Variants in AASS observed in about 807,000 individuals in gnomAD.
AASS encodes alpha-aminoadipic semialdehyde synthase, mitochondrial.
AASS carries 86 observed loss-of-function variants against 105.4 expected under a neutral mutation model. The observed-to-expected ratio is 0.82, with a 90% CI of 0.69 to 0.98. The LOEUF (loss-of-function observed/expected upper bound fraction) is 0.98. AASS is among the 50% of genes least tolerant of loss of function. The pLI, the probability that AASS is intolerant of heterozygous loss-of-function variation, is 0.00. For missense variants in AASS, 1,048 were observed against 1,143.2 expected (o/e 0.92, Z 1.20); for synonymous variants, 381 against 394.8 (o/e 0.96, Z 0.41).
intron 19 of AASS, among the ~76,000 whole-genome samples, chr7:122,083,176 C>A (rs1470988527): frequency 6.6e-6 from 1 of 152,026 alleles, no homozygotes; most frequent in Non-Finnish European, 1.5e-5. Context: ...TTTCCCATTT[C>A]TAAAGGTTAT....
Position 122,133,631 on chromosome 7 carries a change from A to G in AASS, c.96T>C (p.Asp32=), listed in dbSNP as rs1206168973. The G allele has an allele frequency of 6.2e-7, 1 of 1,614,000 alleles. No homozygotes were observed. The highest frequency in any genetic ancestry group is 8.5e-7 in the Non-Finnish European group (1 of 1,180,032). ...HKAVLAVRRE[D]VNAWERRAPL... is the part of the protein sequence containing the mutation. Reference sequence around the variant, plus strand: ...GGGCCCTTCTCTCCCAGGCGTTCACATCCTCCCTCCGGACGGCCAACACAG... The same window carrying G: ...GGGCCCTTCTCTCCCAGGCGTTCACGTCCTCCCTCCGGACGGCCAACACAG... Residue 32 remains aspartate, a synonymous_variant, in exon 2 of 24, where the codon GAT becomes GAC. Transcript: ENST00000417368.
At chr7:122,091,887 A>G (rs1269450432) in intron 17 of AASS, 44 bp from the exon 18 acceptor site, 2 of 1,367,784 alleles carry the variant, frequency 1.5e-6, no homozygotes, top group Non-Finnish European at 2.1e-6. Context: ...TTCACAACTT[A>G]GAGAATGTCT....
At position 122,091,790 on chromosome 7, in the gene AASS, G is replaced by C. The variant is rs369424010; in HGVS notation, c.1929C>G (p.Asn643Lys). 1.2e-6 allele frequency: 2 copies of C among 1,603,782 alleles called. No individual in the cohort carries two copies. Among genetic ancestry groups the C allele is most frequent in the Non-Finnish European group, 1.7e-6 (2 of 1,174,434 alleles). ...AGCTAAATTTATATCTCAATGGATT[G>C]TTTGAATGTTCAGGGGCTGGAAGCC... ...CGGLPAPEHSNNPLRYKFSWS... is the reference protein window; with the variant it reads ...CGGLPAPEHSKNPLRYKFSWS... Residue 643 changes from asparagine (N) to lysine (K), a missense_variant, in exon 18 of 24, where the codon AAC (asparagine) becomes AAG (lysine). Transcript: ENST00000417368.
At chr7:122,095,958 A>C (rs2150519651) in intron 15 of AASS, among the ~76,000 whole-genome samples, 1 of 152,292 alleles carries the variant, frequency 6.6e-6, no homozygotes, top group African/African-American at 2.4e-5. Flanking sequence ...GCCTTATAAT[A>C]GGCTGAGAAG....
intron 15 of AASS, among the ~76,000 whole-genome samples, chr7:122,098,201 G>A (rs922913059): frequency 3.3e-5 from 5 of 151,988 alleles, no homozygotes; most frequent in African/African-American, 1.2e-4. Flanking sequence ...AATAGAAAGA[G>A]GCACCAGGAG....
chr7:122,086,624 ATAAACT>A (rs1340083102), intron 18 of AASS, among the ~76,000 whole-genome samples: 1 of 151,936 alleles, frequency 6.6e-6, no homozygotes, highest in Non-Finnish European at 1.5e-5. Context: ...TGTTTAAAAA[ATAAACT>A]TAAATAAGCT....
At chr7:122,089,117 C>T (rs965714296) in intron 18 of AASS, among the ~76,000 whole-genome samples, 4 of 152,068 alleles carry the variant, frequency 2.6e-5, no homozygotes, top group Non-Finnish European at 5.9e-5. Flanking sequence ...TTACTTAAGA[C>T]CCGCTCCACA....
At chr7:122,117,437 A>T (rs1795234386) in intron 6 of AASS, among the ~76,000 whole-genome samples, 1 of 152,160 alleles carries the variant, frequency 6.6e-6, no homozygotes, top group South Asian at 2.1e-4. Flanking sequence ...TAAAACCACC[A>T]GAGAAGGAAG....
At chr7:122,128,002 T>C (rs1027402215) in intron 3 of AASS, among the ~76,000 whole-genome samples, 3 of 152,210 alleles carry the variant, frequency 2.0e-5, no homozygotes, top group African/African-American at 7.2e-5. Flanking sequence ...TTTTCTCTTG[T>C]AATGGCATCA....
chr7:122,110,157 A>C (rs1324117995), intron 11 of AASS, among the ~76,000 whole-genome samples: 1 of 151,976 alleles, frequency 6.6e-6, no homozygotes, highest in African/African-American at 2.4e-5. Flanking sequence ...AAATTAAGAA[A>C]ACAGAAAATG....
chr7:122,098,916 A>G, intron 13 of AASS, 50 bp from the exon 14 acceptor site: 1 of 1,481,302 alleles, frequency 6.8e-7, no homozygotes, highest in Non-Finnish European at 9.0e-7. Flanking sequence ...CTAATTAAAA[A>G]TTTTTTTTTA....
intron 4 of AASS, among the ~76,000 whole-genome samples, chr7:122,119,720 G>A (rs1441730912): frequency 6.6e-6 from 1 of 152,156 alleles, no homozygotes; most frequent in Non-Finnish European, 1.5e-5. Flanking sequence ...CCATGATCAA[G>A]ATACAGAGTA....
At chr7:122,079,019 G>T in intron 21 of AASS, 69 bp from the exon 22 acceptor site, 1 of 1,612,572 alleles carries the variant, frequency 6.2e-7, no homozygotes, top group African/African-American at 1.3e-5. Context: ...AAGCAAAAGG[G>T]AGCTCCTTGA....
rs537078535 is a variant in AASS, at chr7:122,136,223, A to G, written c.-15-2482T>C. 9.2e-5 allele frequency among the ~76,000 whole-genome samples: 14 copies of G among 152,344 alleles called. No individual in the cohort carries two copies. The South Asian group carries it at 2.9e-3, about 32-fold the overall frequency. On this transcript the variant is annotated intron_variant, in intron 1 of 23. Transcript: ENST00000417368. ...ATGGATGGGGAAGGCTTGACCAAACAATTAAGCATACAAGTACATTTCCTG... is the reference window on the plus strand; with the variant it reads ...ATGGATGGGGAAGGCTTGACCAAACGATTAAGCATACAAGTACATTTCCTG...
At chr7:122,130,495 T>G (rs572343231) in intron 2 of AASS, among the ~76,000 whole-genome samples, 1 of 152,128 alleles carries the variant, frequency 6.6e-6, no homozygotes, top group African/African-American at 2.4e-5. Flanking sequence ...TTTGCATGAA[T>G]TATCTCATTT....
intron 18 of AASS, among the ~76,000 whole-genome samples, chr7:122,091,392 C>G (rs992436521): frequency 6.6e-6 from 1 of 152,082 alleles, no homozygotes; most frequent in Admixed American, 6.6e-5. Flanking sequence ...AGTAGGTACT[C>G]AGAAAATGTT....
chr7:122,082,769 C>T, intron 19 of AASS: 2 of 1,242,536 alleles, frequency 1.6e-6, no homozygotes, highest in Non-Finnish European at 2.1e-6. Flanking sequence ...TGTGGGAGCA[C>T]AAAAGAAGGG....
At chr7:122,092,998 A>G in intron 16 of AASS, 47 bp from the exon 17 acceptor site, 3 of 1,611,420 alleles carry the variant, frequency 1.9e-6, no homozygotes, top group Non-Finnish European at 2.5e-6. Flanking sequence ...ATATAAAATA[A>G]AAACAATGCC....
chr7:122,106,683 T>G (rs1794680285), intron 11 of AASS, among the ~76,000 whole-genome samples: 1 of 152,128 alleles, frequency 6.6e-6, no homozygotes, highest in African/African-American at 2.4e-5. Context: ...TAAATGGTGC[T>G]GGGATAACTG....
Sources: gnomAD v4.1 joint callset for allele counts (sites outside exome capture counted in the v4.1 genomes callset) on GRCh38, gnomAD v4.1.1 for gene constraint, MANE v1.5 for transcripts, NCBI Gene and HGNC (gene_info 2026-07-23, HGNC 2026-07-21) for gene names.